Variants in APOL2 observed in about 807,000 individuals in gnomAD.
APOL2 encodes the protein apolipoprotein L2, also known as apolipoprotein L, 2.
Under a neutral mutation model 7.1 loss-of-function variants are expected in APOL2, and 8 were observed. That is an observed-to-expected ratio of 1.12 (90% confidence interval 0.66 to 2.03). The LOEUF (loss-of-function observed/expected upper bound fraction) is 2.03, where lower values mean the gene tolerates loss of function less well. Ranked by LOEUF, APOL2 falls within the 30% of genes most tolerant of loss-of-function variation. The pLI is 0.00. For missense variants in APOL2, 471 were observed against 415.1 expected (o/e 1.13, Z -1.17); for synonymous variants, 177 against 159.9 (o/e 1.11, Z -0.81).
In APOL2 at chr22:36,239,442, A is replaced by C. The variant is rs957737166; in HGVS notation, c.-135T>G. The C allele has an allele frequency of 6.5e-7, 1 of 1,548,526 alleles. No homozygotes were observed. The highest frequency in any genetic ancestry group is 8.7e-7 in the Non-Finnish European group (1 of 1,154,274). ...TAGATCACACTATCCCCAACTTACC[A>C]AGGGATCTTCCTCTGACAGAGACTG... On this transcript the variant is annotated splice_region_variant and 5_prime_UTR_variant, in exon 1 of 5. Coordinates refer to ENST00000358502, the MANE Select transcript of APOL2 (RefSeq NM_030882.4).
rs1367202086 is a variant in APOL2, at chr22:36,226,532, C to T, written c.*872G>A. ...ACCCGTCACATGACAACCACCCCAA[C>T]CACCATCATGAAGAAGCCACTGGCT... On this transcript the variant is annotated 3_prime_UTR_variant, in exon 5 of 5. Transcript: ENST00000358502. The T allele has an allele frequency of 6.6e-6, 1 of 152,650 alleles. No homozygotes were observed. The highest frequency in any genetic ancestry group is 1.5e-5 in the Non-Finnish European group (1 of 68,400). 9.5% of individuals were successfully genotyped at this position (152,650 alleles called of 1,614,324 possible).
Position 36,235,731 on chromosome 22 carries a change from G to A in APOL2, c.-133-2276C>T, listed in dbSNP as rs1019121454. On this transcript the variant is annotated intron_variant, in intron 1 of 4. Coordinates refer to ENST00000358502, the MANE Select transcript of APOL2 (RefSeq NM_030882.4). The stretch of plus-strand genomic sequence containing the variant: ...GAAAGCTACTTGAGAATGAGCCACC[G>A]GGAGGAAGAAAGGGTGGGTGGGTGG... Among the ~76,000 whole-genome samples the A allele has an allele frequency of 1.6e-4, 23 of 147,980 alleles. 1 individual carries two copies. Among genetic ancestry groups the A allele is most frequent in the East Asian group, 2.0e-4 (1 of 5,034 alleles).
chr22:36,227,348 A>G lies in APOL2; in HGVS notation c.*56T>C, dbSNP rs1317321222. 1.9e-5 allele frequency: 22 copies of G among 1,186,398 alleles called. No homozygotes were observed. Among genetic ancestry groups the G allele is most frequent in the Non-Finnish European group, 2.5e-5 (22 of 863,926 alleles). 73.5% of individuals were successfully genotyped at this position (1,186,398 alleles called of 1,614,324 possible). ...AAAAAAAAAAAAAAAAAAAGTCTGC[A>G]TTTTGTCCTGGCCTGTGCCCGGCAT... On this transcript the variant is annotated 3_prime_UTR_variant, in exon 5 of 5. Coordinates refer to ENST00000358502, the MANE Select transcript of APOL2 (RefSeq NM_030882.4).
chr22:36,227,648 A>G lies in APOL2; in HGVS notation c.770T>C (p.Val257Ala). ...GGCGGGGCCTTCAACAACCCTCTCAACCTGTTCACCGCCTTCAGCTGAGAT... is the reference window on the plus strand; with the variant it reads ...GGCGGGGCCTTCAACAACCCTCTCAGCCTGTTCACCGCCTTCAGCTGAGAT... ...GRISAEGGEQVERVVEGPAQA... is the reference protein window; with the variant it reads ...GRISAEGGEQAERVVEGPAQA... Residue 257 changes from valine (V) to alanine (A), a missense_variant, in exon 5 of 5, where the codon GTT (valine) becomes GCT (alanine). Coordinates refer to ENST00000358502, the MANE Select transcript of APOL2 (RefSeq NM_030882.4). 2 of 1,613,942 alleles carry G rather than the reference A, an allele frequency of 1.2e-6. No homozygotes were observed. Among genetic ancestry groups the G allele is most frequent in the Non-Finnish European group, 8.5e-7 (1 of 1,179,946 alleles).
At chr22:36,230,118 C>T (rs1323171947) in intron 4 of APOL2, among the ~76,000 whole-genome samples, 1 of 152,216 alleles carries the variant, frequency 6.6e-6, no homozygotes, top group East Asian at 1.9e-4. Flanking sequence ...ATATAAATTG[C>T]TAATGCTGAA....
intron 1 of APOL2, chr22:36,237,047 C>A: frequency 1.4e-6 from 2 of 1,477,186 alleles, no homozygotes; most frequent in Admixed American, 2.3e-5. Context: ...GCAGACAGAG[C>A]TGGGGCCTCG....
Position 36,226,563 on chromosome 22 carries a change from T to A in APOL2, c.*841A>T, listed in dbSNP as rs1296890849. Reference sequence around the variant, plus strand: ...TCATGAAGAAGCCACTGGCTGACTGTGATACACCCCCAGAAGGACAAGGGA... The same window carrying A: ...TCATGAAGAAGCCACTGGCTGACTGAGATACACCCCCAGAAGGACAAGGGA... On this transcript the variant is annotated 3_prime_UTR_variant, in exon 5 of 5. Coordinates refer to ENST00000358502, the MANE Select transcript of APOL2 (RefSeq NM_030882.4). 1.3e-5 allele frequency: 2 copies of A among 152,420 alleles called. No individual in the cohort carries two copies. The highest frequency in any genetic ancestry group is 2.4e-5 in the African/African-American group (1 of 41,320). 9.4% of individuals were successfully genotyped at this position (152,420 alleles called of 1,614,324 possible). A position where few individuals can be genotyped will look rare whatever the true frequency, so the allele number is the denominator to read the frequency against.
intron 1 of APOL2, among the ~76,000 whole-genome samples, chr22:36,238,032 C>T (rs552579793): frequency 1.8e-4 from 28 of 152,312 alleles, no homozygotes; most frequent in Non-Finnish European, 3.4e-4. Flanking sequence ...CCCCAACCCT[C>T]CCCAGGCTCC....
intron 1 of APOL2, among the ~76,000 whole-genome samples, chr22:36,233,918 A>G (rs1341686516): frequency 6.6e-6 from 1 of 152,032 alleles, no homozygotes; most frequent in Non-Finnish European, 1.5e-5. Context: ...GTCTTGGTGA[A>G]CTCACTGGTG....
In APOL2 at chr22:36,228,083, C is replaced by A. The variant is rs752747334; in HGVS notation, c.335G>T (p.Gly112Val). 1 of 1,614,210 alleles carries A rather than the reference C, an allele frequency of 6.2e-7. No individual in the cohort carries two copies. Among genetic ancestry groups the A allele is most frequent in the South Asian group, 1.1e-5 (1 of 91,086 alleles). Residue 112 changes from glycine to valine, a missense_variant, in exon 5 of 5, where the codon GGC (glycine) becomes GTC (valine). By Grantham distance (109) the Gly-to-Val change is moderately radical. Coordinates refer to ENST00000358502, the MANE Select transcript of APOL2 (RefSeq NM_030882.4). Reference protein sequence around the residue: ...LAEEVEQVHRGTTIANVVSNS... With the variant: ...LAEEVEQVHRVTTIANVVSNS... ...GGACACCACATTGGCAATGGTGGTG[C>A]CTCTGTGGACCTGCTCAACCTCCTC...
At position 36,231,327 on chromosome 22, in the gene APOL2, C is replaced by T. The variant is rs923341098; in HGVS notation, c.137+13G>A. ...GCTGGGGCGCCCCATGGAGTTAACC[C>T]CATGGAGCTTACCTGGGCAGTTCAG... On this transcript the variant is annotated intron_variant, in intron 4 of 4. Coordinates refer to ENST00000358502, the MANE Select transcript of APOL2 (RefSeq NM_030882.4). The T allele has an allele frequency of 1.2e-6, 2 of 1,613,578 alleles. No individual in the cohort carries two copies. Among genetic ancestry groups the T allele is most frequent in the South Asian group, 2.2e-5 (2 of 91,068 alleles).
chr22:36,231,674 G>GGCCTTTA (rs531765466), intron 3 of APOL2, among the ~76,000 whole-genome samples: 39 of 152,144 alleles, frequency 2.6e-4, no homozygotes, highest in Non-Finnish European at 5.0e-4. Context: ...TTGAAGATTG[G>GGCCTTTA]GCCTTTAAGG....
chr22:36,230,986 T>G (rs2015204005), intron 4 of APOL2, among the ~76,000 whole-genome samples: 1 of 152,260 alleles, frequency 6.6e-6, no homozygotes, highest in Admixed American at 6.5e-5. Context: ...GTGCACCTAC[T>G]ATGTGTCAGT....
chr22:36,239,038 C>T (rs995466816), intron 1 of APOL2: 42 of 887,750 alleles, frequency 4.7e-5, no homozygotes, highest in African/African-American at 3.6e-4. Context: ...GGGTGTGGCC[C>T]GGCCACAAGG....
chr22:36,239,632 G>C, upstream of APOL2: 2 of 840,022 alleles, frequency 2.4e-6, no homozygotes, highest in Non-Finnish European at 3.8e-6. Context: ...TAAACACGCT[G>C]CTCCCCAGCA....
At position 36,237,258 on chromosome 22, in the gene APOL2, A is replaced by T. The variant is rs768332717; in HGVS notation, c.-134+2183T>A. ...TCCGGTGTCCAACTGAGCGACCTGGAAGAGGAGCCCTCCCTCCCACCTCAG... is the reference window on the plus strand; with the variant it reads ...TCCGGTGTCCAACTGAGCGACCTGGTAGAGGAGCCCTCCCTCCCACCTCAG... On this transcript the variant is annotated intron_variant, in intron 1 of 4. Transcript: ENST00000358502. The T allele has an allele frequency of 2.9e-6, 4 of 1,359,826 alleles. No homozygotes were observed. In the South Asian group the frequency reaches 7.8e-5, roughly 26 times the overall value. The allele number at this position is 1,359,826 out of a possible 1,614,324, so 84.2% of individuals were successfully genotyped here. A position where few individuals can be genotyped will look rare whatever the true frequency, so the allele number is the denominator to read the frequency against.
chr22:36,237,754 C>T (rs1159852096), intron 1 of APOL2, among the ~76,000 whole-genome samples: 1 of 152,132 alleles, frequency 6.6e-6, no homozygotes, highest in African/African-American at 2.4e-5. Flanking sequence ...AAGTTCAAAC[C>T]CCATAGCAGG....
chr22:36,232,701 G>A (rs1286317156), intron 3 of APOL2, among the ~76,000 whole-genome samples: 1 of 152,066 alleles, frequency 6.6e-6, no homozygotes, highest in Non-Finnish European at 1.5e-5. Flanking sequence ...CAGAGGGGCT[G>A]GTGCAGGGCA....
At chr22:36,230,827 C>T (rs1422106043) in intron 4 of APOL2, among the ~76,000 whole-genome samples, 1 of 152,078 alleles carries the variant, frequency 6.6e-6, no homozygotes, top group Non-Finnish European at 1.5e-5. Context: ...GAAAAAAGGC[C>T]CCAGCCAGCA....
Sources: gnomAD v4.1 joint callset for allele counts (sites outside exome capture counted in the v4.1 genomes callset) on GRCh38, gnomAD v4.1.1 for gene constraint, MANE v1.5 for transcripts, NCBI Gene and HGNC (gene_info 2026-07-23, HGNC 2026-07-21) for gene names.